DPP6: variants seen among roughly 807,000 people sequenced by gnomAD.
DPP6 encodes the protein dipeptidyl peptidase like 6.
In DPP6, 69 loss-of-function variants were observed where a neutral mutation model predicts 122.6. The ratio of observed to expected loss-of-function variants is 0.56; its 90% CI spans 0.46 to 0.69. The LOEUF (loss-of-function observed/expected upper bound fraction) is 0.69. Ranked by LOEUF, DPP6 falls within the 30% of genes least tolerant of loss-of-function variation. The pLI, the probability that DPP6 is intolerant of heterozygous loss-of-function variation, is 0.00. For missense variants in DPP6, 928 were observed against 1,116.9 expected (o/e 0.83, Z 2.41); for synonymous variants, 418 against 433.1 (o/e 0.97, Z 0.43).
intron 16 of DPP6, among the ~76,000 whole-genome samples, chr7:154,807,816 C>T (rs555440246): frequency 1.3e-5 from 2 of 152,132 alleles, no homozygotes; most frequent in African/African-American, 4.8e-5. Flanking sequence ...AGTGAGACTC[C>T]ATCTCAAATG....
At chr7:154,502,351 GAT>G (rs1825323098) in intron 3 of DPP6, among the ~76,000 whole-genome samples, 2 of 152,216 alleles carry the variant, frequency 1.3e-5, no homozygotes, top group South Asian at 4.2e-4. Context: ...GGGGTGGAAT[GAT>G]ATGATTTGGC....
the DPP6 span, among the ~76,000 whole-genome samples, chr7:153,857,548 C>T: frequency 2.9e-4 from 44 of 152,020 alleles, no homozygotes; most frequent in African/African-American, 8.5e-4. Context: ...ATTCTTTTAC[C>T]GGAGAAGGTT....
At chr7:154,615,867 T>C (rs536523796) in intron 5 of DPP6, among the ~76,000 whole-genome samples, 1 of 152,176 alleles carries the variant, frequency 6.6e-6, no homozygotes, top group Non-Finnish European at 1.5e-5. Context: ...AGAAACCCTG[T>C]CCTCATTAAA....
chr7:154,346,018 G>A (rs114607746), intron 1 of DPP6, among the ~76,000 whole-genome samples: 2,397 of 152,198 alleles, frequency 0.016, 71 homozygotes, highest in African/African-American at 0.055. Flanking sequence ...TTTCTGTTAC[G>A]TATCAGCAAA....
chr7:154,866,019 G>T (rs1463981901), intron 17 of DPP6, among the ~76,000 whole-genome samples: 1 of 152,194 alleles, frequency 6.6e-6, no homozygotes, highest in Non-Finnish European at 1.5e-5. Flanking sequence ...ACTTTCATTT[G>T]GTGTTAAGTG....
At chr7:154,679,479 G>A (rs1358363521) in intron 7 of DPP6, among the ~76,000 whole-genome samples, 1 of 152,174 alleles carries the variant, frequency 6.6e-6, no homozygotes, top group African/African-American at 2.4e-5. Context: ...AACCACCAGG[G>A]AGCTGAGCAG....
intron 5 of DPP6, among the ~76,000 whole-genome samples, chr7:154,577,971 ATTG>A (rs1736304767): frequency 1.3e-5 from 2 of 152,186 alleles, no homozygotes; most frequent in African/African-American, 4.8e-5. Context: ...CAGATTAATC[ATTG>A]TTGTGTGTTA....
chr7:154,136,720 C>T (rs546217950), intron 1 of DPP6, among the ~76,000 whole-genome samples: 1 of 152,232 alleles, frequency 6.6e-6, no homozygotes, highest in Non-Finnish European at 1.5e-5. Context: ...ATAAAGAACA[C>T]TAAAATGTTA....
chr7:154,032,527 C>G (rs1359726129), intron 1 of DPP6, among the ~76,000 whole-genome samples: 1 of 152,118 alleles, frequency 6.6e-6, no homozygotes, highest in Non-Finnish European at 1.5e-5. Context: ...CCTGATGTAT[C>G]TTTAAAAATA....
At chr7:154,459,725 G>A (rs1231554202) in intron 2 of DPP6, among the ~76,000 whole-genome samples, 2 of 144,818 alleles carry the variant, frequency 1.4e-5, no homozygotes, top group African/African-American at 5.2e-5. Flanking sequence ...GCTGAGGCAG[G>A]AGAATTGCTT....
chr7:154,173,641 C>T (rs1055553812), intron 1 of DPP6, among the ~76,000 whole-genome samples: 1 of 152,154 alleles, frequency 6.6e-6, no homozygotes, highest in Non-Finnish European at 1.5e-5. Flanking sequence ...TGCTGCTGAC[C>T]AGCTGTGCAA....
At position 154,579,565 on chromosome 7, in the gene DPP6, A is replaced by G. The variant is rs144932978; in HGVS notation, c.627+12649A>G. Among the ~76,000 whole-genome samples, 116 of 152,264 alleles carry G rather than the reference A, an allele frequency of 7.6e-4. No homozygotes were observed. In the East Asian group the frequency reaches 0.022, roughly 29 times the overall value. ...CTCACCCCCTGCCCTGAATGAACTA[A>G]TTGTTTTTCTTAGAGCCAGGTAAGG... On this transcript the variant is annotated intron_variant, in intron 5 of 25. Transcript: ENST00000377770.
chr7:154,500,121 C>T (rs1035821560), intron 3 of DPP6, among the ~76,000 whole-genome samples: 13 of 152,130 alleles, frequency 8.5e-5, no homozygotes, highest in African/African-American at 2.9e-4. Context: ...ACACTACATT[C>T]TAGACTTTCA....
chr7:154,706,467 A>G (rs1037858614), intron 7 of DPP6, among the ~76,000 whole-genome samples: 1 of 152,150 alleles, frequency 6.6e-6, no homozygotes, highest in Non-Finnish European at 1.5e-5. Flanking sequence ...GGAGAATGTC[A>G]GGATGCCTGG....
Position 154,167,871 on chromosome 7 carries a change from C to T in DPP6, c.243+114808C>T, listed in dbSNP as rs200652992. 1.1e-4 allele frequency among the ~76,000 whole-genome samples: 17 copies of T among 152,314 alleles called. 1 individual carries two copies. The East Asian group carries it at 3.1e-3, about 28-fold the overall frequency. On this transcript the variant is annotated intron_variant, in intron 1 of 25. Transcript: ENST00000377770. ...CCTACAAAATGTCAGGCTCCCAGGCCTGCAGGCTCAGAGTGTATGCAGGGC... is the reference window on the plus strand; with the variant it reads ...CCTACAAAATGTCAGGCTCCCAGGCTTGCAGGCTCAGAGTGTATGCAGGGC...
intron 1 of DPP6, among the ~76,000 whole-genome samples, chr7:153,958,827 C>A (rs1048422966): frequency 6.6e-6 from 1 of 151,742 alleles, no homozygotes; most frequent in East Asian, 2.0e-4. Context: ...GCCTTCTGTT[C>A]CTTCAGGGCC....
intron 1 of DPP6, among the ~76,000 whole-genome samples, chr7:154,189,061 A>G (rs529514767): frequency 7.9e-5 from 12 of 152,314 alleles, no homozygotes; most frequent in African/African-American, 1.4e-4. Flanking sequence ...CTAGTTGTCT[A>G]TAGGTCTCCT....
chr7:154,655,330 C>G (rs563594956), intron 6 of DPP6, among the ~76,000 whole-genome samples: 1 of 152,054 alleles, frequency 6.6e-6, no homozygotes, highest in Admixed American at 6.6e-5. Context: ...TGATTTATGC[C>G]CTGTTTTGTT....
chr7:154,085,962 G>A (rs546519152), intron 1 of DPP6, among the ~76,000 whole-genome samples: 1 of 151,962 alleles, frequency 6.6e-6, no homozygotes, highest in Admixed American at 6.6e-5. Context: ...TCCTGACCTC[G>A]TGATCTGCCT....
Sources: gnomAD v4.1 joint callset for allele counts (sites outside exome capture counted in the v4.1 genomes callset) on GRCh38, gnomAD v4.1.1 for gene constraint, MANE v1.5 for transcripts, NCBI Gene and HGNC (gene_info 2026-07-23, HGNC 2026-07-21) for gene names.